Variants in ARHGAP39 observed in about 807,000 individuals in gnomAD.
ARHGAP39 encodes Rho GTPase activating protein 39.
ARHGAP39 carries 44 observed loss-of-function variants against 106.9 expected under a neutral mutation model. That is an observed-to-expected ratio of 0.41 (90% CI 0.32 to 0.53). The LOEUF is 0.53. Ranked by LOEUF, ARHGAP39 falls within the 20% of genes least tolerant of loss-of-function variation. The pLI, the probability that ARHGAP39 is intolerant of heterozygous loss-of-function variation, is 0.21. For synonymous variants in ARHGAP39, 768 were observed against 693.2 expected, an observed-to-expected ratio of 1.11 and a Z score of -1.69; for missense variants, 1,496 against 1,577.3, an observed-to-expected ratio of 0.95 and a Z score of 0.87.
chr8:144,551,262 T>C (rs1286161092), intron 4 of ARHGAP39, among the ~76,000 whole-genome samples: 1 of 151,330 alleles, frequency 6.6e-6, no homozygotes, highest in African/African-American at 2.4e-5. Context: ...TGAGGAGAGG[T>C]GAGGGCACGT....
At chr8:144,624,754 CCT>C (rs1460509074) in intron 1 of ARHGAP39, among the ~76,000 whole-genome samples, 1 of 27,144 alleles carries the variant, frequency 3.7e-5, no homozygotes, top group African/African-American at 2.0e-4. Context: ...TGCGGCAGCC[CCT>C]GTCCCCGCGG....
At chr8:144,677,769 C>A (rs1822281525) in intron 1 of ARHGAP39, among the ~76,000 whole-genome samples, 1 of 152,216 alleles carries the variant, frequency 6.6e-6, no homozygotes, top group Non-Finnish European at 1.5e-5. Flanking sequence ...TCCAGCAAAG[C>A]TTCCAGGGGA....
In ARHGAP39 at chr8:144,530,305, G is replaced by C. The variant is rs1016378460; in HGVS notation, c.*117C>G. The C allele has an allele frequency of 5.2e-6, 6 of 1,162,044 alleles. No individual in the cohort carries two copies. The highest frequency in any genetic ancestry group is 5.2e-5 in the East Asian group (2 of 38,556). The allele number at this position is 1,162,044 out of a possible 1,614,324, so 72.0% of individuals were successfully genotyped here. ...GCGCCGGGGCCAGGGGCCTGGGGGAGTGGAGGGGGCTCCAGGGCTGGGCCG... is the reference window on the plus strand; with the variant it reads ...GCGCCGGGGCCAGGGGCCTGGGGGACTGGAGGGGGCTCCAGGGCTGGGCCG... On this transcript the variant is annotated 3_prime_UTR_variant, in exon 12 of 12. Coordinates refer to ENST00000377307, the MANE Select transcript of ARHGAP39 (RefSeq NM_025251.3).
chr8:144,632,967 C>G (rs1253981937), intron 1 of ARHGAP39, among the ~76,000 whole-genome samples: 1 of 152,192 alleles, frequency 6.6e-6, no homozygotes, highest in Non-Finnish European at 1.5e-5. Flanking sequence ...TAGTGAGACC[C>G]CATCTCTATA....
At position 144,548,610 on chromosome 8, in the gene ARHGAP39, G is replaced by GTGGCCTA; in HGVS notation, c.597-122_597-121insTAGGCCA. 1 of 1,330,476 alleles carries GTGGCCTA rather than the reference G, an allele frequency of 7.5e-7. No homozygotes were observed. Among genetic ancestry groups the GTGGCCTA allele is most frequent in the Non-Finnish European group, 1.0e-6 (1 of 1,002,222 alleles). The allele number at this position is 1,330,476 out of a possible 1,614,324, so 82.4% of individuals were successfully genotyped here. A position where few individuals can be genotyped will look rare whatever the true frequency, so the allele number is the denominator to read the frequency against. On this transcript the variant is annotated intron_variant, in intron 4 of 11. Coordinates refer to ENST00000377307, the MANE Select transcript of ARHGAP39 (RefSeq NM_025251.3). This position sits in a 1 kb window ranked among gnomAD's most constrained non-coding sequence, Gnocchi z 7.4. The stretch of plus-strand genomic sequence containing the variant: ...CCCTCTGTTGTACACCTTCCTCGCT[G>GTGGCCTA]GGGCCCTGTGGCCTGGCGCCCCTCA...
At chr8:144,627,864 C>G (rs560633780) in intron 1 of ARHGAP39, among the ~76,000 whole-genome samples, 1 of 152,370 alleles carries the variant, frequency 6.6e-6, no homozygotes, top group Non-Finnish European at 1.5e-5. Context: ...CCCTCCCAGT[C>G]ACAGCAGTGC....
intron 1 of ARHGAP39, among the ~76,000 whole-genome samples, chr8:144,613,704 A>AT (rs1423317102): frequency 6.6e-6 from 1 of 150,904 alleles, no homozygotes; most frequent in African/African-American, 2.4e-5. Context: ...GATTTTCTTC[A>AT]TTTCTTGTGC....
rs1347286687 is a variant in ARHGAP39 at position 144,605,609 on chromosome 8, G to C, written c.6C>G (p.Ser2=). 6.2e-7 allele frequency: 1 copy of C among 1,613,262 alleles called. No homozygotes were observed. Among genetic ancestry groups the C allele is most frequent in the Admixed American group, 1.7e-5 (1 of 60,022 alleles). M[S]QTQDYECRSH... ...TCCTGCACTCGTAGTCCTGCGTCTG[G>C]GACATCGCTGTTTGCTTCCGCGCCC... The change falls in exon 2 of 12, where the codon TCC becomes TCG. Residue 2 remains serine, a synonymous_variant. Transcript: ENST00000377307.
chr8:144,608,941 T>C (rs1173338162), intron 1 of ARHGAP39, among the ~76,000 whole-genome samples: 1 of 152,258 alleles, frequency 6.6e-6, no homozygotes, highest in Non-Finnish European at 1.5e-5. Flanking sequence ...ACTTATTAGT[T>C]CTAATTGTTT....
intron 1 of ARHGAP39, among the ~76,000 whole-genome samples, chr8:144,652,249 TAAA>T (rs1244330129): frequency 1.3e-5 from 2 of 151,530 alleles, no homozygotes; most frequent in African/African-American, 4.8e-5. Flanking sequence ...ATAATAAAAA[TAAA>T]AAAGTAAAAA....
chr8:144,698,905 C>T, the ARHGAP39 span: 1 of 455,424 alleles, frequency 2.2e-6, no homozygotes, highest in South Asian at 1.6e-5. Context: ...GTTGGGGGGT[C>T]CAAGATGTGA....
intron 1 of ARHGAP39, among the ~76,000 whole-genome samples, chr8:144,658,679 TAACA>T (rs1173642774): frequency 1.3e-5 from 2 of 152,080 alleles, no homozygotes; most frequent in Non-Finnish European, 2.9e-5. Context: ...CTGTGTATCA[TAACA>T]AACAGCGAAA....
chr8:144,651,493 G>A (rs773791485), intron 1 of ARHGAP39, among the ~76,000 whole-genome samples: 19 of 151,946 alleles, frequency 1.3e-4, no homozygotes, highest in Admixed American at 3.9e-4. Flanking sequence ...ACCTGAGGTC[G>A]GGAGTTTGTG....
In ARHGAP39 at chr8:144,529,541, G is replaced by C. The variant is rs1816566524; in HGVS notation, c.*881C>G. 1 of 152,130 alleles carries C rather than the reference G, an allele frequency of 6.6e-6. No homozygotes were observed. Among genetic ancestry groups the C allele is most frequent in the Non-Finnish European group, 1.5e-5 (1 of 68,022 alleles). The allele number at this position is 152,130 out of a possible 1,614,324, so 9.4% of individuals were successfully genotyped here. On this transcript the variant is annotated 3_prime_UTR_variant, in exon 12 of 12. Transcript: ENST00000377307. ...TGGGATGGGGATGGGGTAGAGCTTG[G>C]TTTTTGGTCAGAAGCCAAGAAAAAA...
chr8:144,665,743 A>G (rs575650672), intron 1 of ARHGAP39, among the ~76,000 whole-genome samples: 1 of 152,342 alleles, frequency 6.6e-6, no homozygotes, highest in East Asian at 1.9e-4. Flanking sequence ...AGATTTCAGA[A>G]GATGTATGGA....
intron 7 of ARHGAP39, among the ~76,000 whole-genome samples, 195 bp from the exon 8 acceptor site, chr8:144,534,397 T>G (rs1816868629): frequency 6.6e-6 from 1 of 152,086 alleles, no homozygotes; most frequent in Non-Finnish European, 1.5e-5. Flanking sequence ...AAGGAGCACT[T>G]CCCCACCTGC....
chr8:144,545,131 C>A (rs568381493), intron 6 of ARHGAP39, 118 bp downstream of exon 6: 8 of 979,624 alleles, frequency 8.2e-6, no homozygotes, highest in African/African-American at 3.3e-5. Context: ...AGGTGTGTGT[C>A]GAACCATGGC....
intron 1 of ARHGAP39, among the ~76,000 whole-genome samples, chr8:144,606,709 G>A (rs777652570): frequency 2.6e-5 from 4 of 152,124 alleles, no homozygotes; most frequent in Non-Finnish European, 5.9e-5. Flanking sequence ...GGGGGTCAGT[G>A]CCCCTAAACC....
Position 144,530,325 on chromosome 8 carries a change from G to A in ARHGAP39, c.*97C>T. ...GGGGAGTGGAGGGGGCTCCAGGGCT[G>A]GGCCGGGCGATTCTGGCCCCTCTGC... On this transcript the variant is annotated 3_prime_UTR_variant, in exon 12 of 12. Transcript: ENST00000377307. 7.4e-7 allele frequency: 1 copy of A among 1,353,766 alleles called. No individual in the cohort carries two copies. The highest frequency in any genetic ancestry group is 1.0e-6 in the Non-Finnish European group (1 of 994,476). 83.9% of individuals were successfully genotyped at this position (1,353,766 alleles called of 1,614,324 possible). A position where few individuals can be genotyped will look rare whatever the true frequency, so the allele number is the denominator to read the frequency against.
Sources: allele counts gnomAD v4.1 joint callset (sites outside exome capture counted in the v4.1 genomes callset), GRCh38; gene constraint gnomAD v4.1.1; non-coding constraint Gnocchi (gnomAD v3.1); transcripts MANE v1.5; gene names NCBI Gene and HGNC (gene_info 2026-07-23, HGNC 2026-07-21).